Variants in COL9A1 observed in about 807,000 individuals in gnomAD.
COL9A1 encodes collagen alpha-1(IX) chain.
In COL9A1, 104 loss-of-function variants were observed where a neutral mutation model predicts 142.6. That is an observed-to-expected ratio of 0.73 (90% CI 0.62 to 0.86). The LOEUF is 0.86. Among genes scored for constraint, COL9A1 ranks in the 40% least tolerant of loss-of-function variants. COL9A1 has a pLI of 0.00. For missense variants in COL9A1, 1,210 were observed against 1,176.6 expected (o/e 1.03, Z -0.42); for synonymous variants, 466 against 396.0 (o/e 1.18, Z -2.10).
intron 21 of COL9A1, 112 bp downstream of exon 21, chr6:70,256,656 T>A (rs1045200609): frequency 2.7e-6 from 2 of 750,280 alleles, no homozygotes; most frequent in African/African-American, 3.6e-5. Context: ...ATATATAAAT[T>A]GTCCACTTTT....
intron 3 of COL9A1, 27 bp from the exon 4 acceptor site, chr6:70,300,202 A>G: frequency 6.2e-7 from 1 of 1,613,600 alleles, no homozygotes; most frequent in South Asian, 1.1e-5. Flanking sequence ...CAAAATGAAA[A>G]GTCTAAAATG....
At chr6:70,249,902 G>C (rs1362763808) in intron 28 of COL9A1, among the ~76,000 whole-genome samples, 1 of 152,126 alleles carries the variant, frequency 6.6e-6, no homozygotes, top group Non-Finnish European at 1.5e-5. Context: ...TTCATGCATG[G>C]TTCTGTCCCA....
chr6:70,290,900 C>A (rs1773634181), intron 5 of COL9A1, among the ~76,000 whole-genome samples: 1 of 152,022 alleles, frequency 6.6e-6, no homozygotes. Flanking sequence ...TATGCTATTT[C>A]ATTTTCATTT....
chr6:70,232,800 A>C, intron 35 of COL9A1, 29 bp from the exon 36 acceptor site: 1 of 1,582,970 alleles, frequency 6.3e-7, no homozygotes. Context: ...AACAACCCAG[A>C]AGTGTCAGAA....
At position 70,260,707 on chromosome 6, in the gene COL9A1, C is replaced by T. The variant is rs775021736; in HGVS notation, c.1399G>A (p.Ala467Thr). 2 of 1,613,860 alleles carry T rather than the reference C, an allele frequency of 1.2e-6. No homozygotes were observed. Among genetic ancestry groups the T allele is most frequent in the South Asian group, 2.2e-5 (2 of 91,056 alleles). ...CCGGTGATGCCTCGCAAACCCTGGGCTCCCTGGAAATGTGAAAAAGAGAAG... is the reference window on the plus strand; with the variant it reads ...CCGGTGATGCCTCGCAAACCCTGGGTTCCCTGGAAATGTGAAAAAGAGAAG... ...GEVGAQGPPG[A>T]QGLRGITGIV... The change falls in exon 20 of 38, where the codon GCC becomes ACC. Residue 467 changes from alanine to threonine, a missense_variant. Ala to Thr is a moderately conservative substitution (Grantham distance 58). Transcript: ENST00000357250.
At chr6:70,294,880 T>C (rs1773794954) in intron 4 of COL9A1, among the ~76,000 whole-genome samples, 1 of 152,198 alleles carries the variant, frequency 6.6e-6, no homozygotes, top group South Asian at 2.1e-4. Flanking sequence ...TTCAGCAATT[T>C]CATCTCAGCC....
At position 70,216,808 on chromosome 6, in the gene COL9A1, C is replaced by A; in HGVS notation, c.*89G>T. ...ACATTGTAATCATGCTGAAGGTAATCATCTTTGCCCCAGCTTTGGATGGTG... is the reference window on the plus strand; with the variant it reads ...ACATTGTAATCATGCTGAAGGTAATAATCTTTGCCCCAGCTTTGGATGGTG... On this transcript the variant is annotated 3_prime_UTR_variant, in exon 38 of 38. Transcript: ENST00000357250. 1 of 1,353,592 alleles carries A rather than the reference C, an allele frequency of 7.4e-7. No homozygotes were observed. The allele number at this position is 1,353,592 out of a possible 1,614,324, so 83.8% of individuals were successfully genotyped here.
At chr6:70,241,570 C>T (rs1174713990) in intron 30 of COL9A1, 116 bp from the exon 31 acceptor site, 5 of 837,372 alleles carry the variant, frequency 6.0e-6, no homozygotes, top group Non-Finnish European at 1.0e-5. Flanking sequence ...TGGGAGAGGA[C>T]GTTCCCACTC....
At chr6:70,262,485 C>T (rs1350465984) in intron 19 of COL9A1, among the ~76,000 whole-genome samples, 1 of 152,196 alleles carries the variant, frequency 6.6e-6, no homozygotes, top group Non-Finnish European at 1.5e-5. Flanking sequence ...AATGGTGTTC[C>T]TGTGTTTGTC....
At chr6:70,233,314 C>A (rs948901396) in intron 35 of COL9A1, among the ~76,000 whole-genome samples, 1 of 152,002 alleles carries the variant, frequency 6.6e-6, no homozygotes, top group Non-Finnish European at 1.5e-5. Context: ...TCTTATAAAC[C>A]CTCCTTCTCA....
rs1774131138 is a variant in COL9A1 at position 70,303,009 on chromosome 6, A to G, written c.-85T>C. 2 of 1,389,458 alleles carry G rather than the reference A, an allele frequency of 1.4e-6. No homozygotes were observed. The highest frequency in any genetic ancestry group is 4.6e-5 in the East Asian group (2 of 43,792). 86.1% of individuals were successfully genotyped at this position (1,389,458 alleles called of 1,614,324 possible). ...GTCACTGTCCCCTCACGACCCCTTC[A>G]CTGTTACCCTAGGACTATGTGTTCT... On this transcript the variant is annotated 5_prime_UTR_variant, in exon 1 of 38. Coordinates refer to ENST00000357250, the MANE Select transcript of COL9A1 (RefSeq NM_001851.6).
chr6:70,273,510 C>A (rs1772538668), intron 12 of COL9A1, among the ~76,000 whole-genome samples: 1 of 152,046 alleles, frequency 6.6e-6, no homozygotes, highest in Non-Finnish European at 1.5e-5. Flanking sequence ...GAACAAAGAG[C>A]AAAATAGATA....
At chr6:70,252,806 C>G (rs1436059713) in intron 26 of COL9A1, among the ~76,000 whole-genome samples, 4 of 152,190 alleles carry the variant, frequency 2.6e-5, no homozygotes, top group Non-Finnish European at 4.4e-5. Flanking sequence ...CCATCAATCT[C>G]ATGTGCAGCT....
At chr6:70,280,981 G>T (rs370461837) in intron 9 of COL9A1, 23 bp downstream of exon 9, 3 of 1,612,110 alleles carry the variant, frequency 1.9e-6, no homozygotes, top group African/African-American at 2.7e-5. Flanking sequence ...GAAGTGGAGC[G>T]CCATATGCTC....
chr6:70,274,606 A>G, intron 11 of COL9A1, 113 bp downstream of exon 11: 1 of 849,970 alleles, frequency 1.2e-6, no homozygotes. Flanking sequence ...TTTTAGTTGA[A>G]CGAGTGCATT....
rs114423369 is a variant in COL9A1, at chr6:70,299,879, A to T, written c.299+164T>A. Reference sequence around the variant, plus strand: ...ATTACATACTGAAAACATGAAATGCAGTATTAAGGTACTGAAGATAGGCAG... The same window carrying T: ...ATTACATACTGAAAACATGAAATGCTGTATTAAGGTACTGAAGATAGGCAG... On this transcript the variant is annotated intron_variant, in intron 4 of 37. Coordinates refer to ENST00000357250, the MANE Select transcript of COL9A1 (RefSeq NM_001851.6). 9.2e-3 allele frequency among the ~76,000 whole-genome samples: 1,401 copies of T among 152,350 alleles called. 31 individuals are homozygous for T. Among genetic ancestry groups the T allele is most frequent in the African/African-American group, 0.031 (1,300 of 41,584 alleles).
At chr6:70,299,484 A>G (rs561901780) in intron 4 of COL9A1, among the ~76,000 whole-genome samples, 2 of 152,344 alleles carry the variant, frequency 1.3e-5, no homozygotes, top group East Asian at 3.9e-4. Context: ...TCAGTTTTAA[A>G]TAAAGAGCAA....
At position 70,283,106 on chromosome 6, in the gene COL9A1, T is replaced by G. The variant is rs920800222; in HGVS notation, c.781-188A>C. On this transcript the variant is annotated intron_variant, in intron 6 of 37. Coordinates refer to ENST00000357250, the MANE Select transcript of COL9A1 (RefSeq NM_001851.6). Reference sequence around the variant, plus strand: ...CCGGCTCTGCAGCCTGGTTCCCCTCTAGGCTTCCAGACCCGCCACTAGCAT... The same window carrying G: ...CCGGCTCTGCAGCCTGGTTCCCCTCGAGGCTTCCAGACCCGCCACTAGCAT... 9.9e-6 allele frequency: 15 copies of G among 1,515,890 alleles called. No homozygotes were observed. In the African/African-American group the frequency reaches 1.8e-4, roughly 18 times the overall value. 93.9% of individuals were successfully genotyped at this position (1,515,890 alleles called of 1,614,324 possible). A position where few individuals can be genotyped will look rare whatever the true frequency, so the allele number is the denominator to read the frequency against.
intron 20 of COL9A1, chr6:70,258,752 T>A (rs1007084842): frequency 3.3e-5 from 5 of 151,934 alleles, no homozygotes; most frequent in Non-Finnish European, 7.4e-5. Context: ...CAAGAAGAGC[T>A]TTTTTTTCTT....
Sources: gnomAD v4.1 joint callset for allele counts (sites outside exome capture counted in the v4.1 genomes callset) on GRCh38, gnomAD v4.1.1 for gene constraint, MANE v1.5 for transcripts, NCBI Gene and HGNC (gene_info 2026-07-23, HGNC 2026-07-21) for gene names.